KLHL7: variants seen among roughly 807,000 people sequenced by gnomAD.
KLHL7 encodes kelch like family member 7.
KLHL7 carries 44 observed loss-of-function variants against 67.4 expected under a neutral mutation model. The observed-to-expected ratio is 0.65, with a 90% CI of 0.51 to 0.84. The LOEUF (loss-of-function observed/expected upper bound fraction) is 0.84. Ranked by LOEUF, KLHL7 falls within the 40% of genes least tolerant of loss-of-function variation. The pLI is 0.00. For missense variants in KLHL7, 362 were observed against 718.1 expected (o/e 0.50, Z 5.67); for synonymous variants, 252 against 243.3 (o/e 1.04, Z -0.33).
intron 1 of KLHL7, among the ~76,000 whole-genome samples, chr7:23,121,496 C>T (rs564753012): frequency 5.7e-4 from 85 of 150,384 alleles, no homozygotes; most frequent in African/African-American, 2.1e-3. Flanking sequence ...GACAGAGTTT[C>T]ATCATGTTGC....
At chr7:23,151,167 T>TGTTTG (rs1784523536) in intron 6 of KLHL7, among the ~76,000 whole-genome samples, 2 of 105,640 alleles carry the variant, frequency 1.9e-5, no homozygotes, top group Admixed American at 8.6e-5. Context: ...GTTTTTTTTT[T>TGTTTG]TTTCTTTTCT....
At chr7:23,117,181 G>A (rs899775754) in intron 1 of KLHL7, among the ~76,000 whole-genome samples, 3 of 140,554 alleles carry the variant, frequency 2.1e-5, no homozygotes, top group Middle Eastern at 4.0e-3. Flanking sequence ...TCTGCCTCCC[G>A]GGTTCAAGTG....
intron 4 of KLHL7, among the ~76,000 whole-genome samples, chr7:23,130,022 G>A (rs975807777): frequency 2.0e-5 from 3 of 152,306 alleles, no homozygotes; most frequent in Non-Finnish European, 2.9e-5. Context: ...TACTAATGAT[G>A]TGCCAGATGA....
chr7:23,140,321 A>G (rs929282841), intron 4 of KLHL7, among the ~76,000 whole-genome samples: 15 of 152,292 alleles, frequency 9.8e-5, no homozygotes, highest in Non-Finnish European at 1.9e-4. Context: ...TTGGGAGGCC[A>G]GGGTGGGCGG....
chr7:23,138,777 A>T (rs1562570032), intron 4 of KLHL7, among the ~76,000 whole-genome samples: 1 of 151,996 alleles, frequency 6.6e-6, no homozygotes, highest in African/African-American at 2.4e-5. Flanking sequence ...ACCTCAAGTG[A>T]TCCCCACCTA....
chr7:23,174,639 A>G lies in KLHL7; in HGVS notation c.*341A>G. 1 of 472,310 alleles carries G rather than the reference A, an allele frequency of 2.1e-6. No homozygotes were observed. The highest frequency in any genetic ancestry group is 6.6e-4 in the Middle Eastern group (1 of 1,524). The allele number at this position is 472,310 out of a possible 1,614,324, so 29.3% of individuals were successfully genotyped here. A position where few individuals can be genotyped will look rare whatever the true frequency, so the allele number is the denominator to read the frequency against. Reference sequence around the variant, plus strand: ...CAGTGAAGCGCAGTATCTTAGCTCTAGATTCTATTTTCATGCATCACAGAA... The same window carrying G: ...CAGTGAAGCGCAGTATCTTAGCTCTGGATTCTATTTTCATGCATCACAGAA... On this transcript the variant is annotated 3_prime_UTR_variant, in exon 11 of 11. Coordinates refer to ENST00000339077, the MANE Select transcript of KLHL7 (RefSeq NM_001031710.3).
In KLHL7 at chr7:23,165,746, G is replaced by A; in HGVS notation, c.985G>A (p.Ala329Thr). 6.2e-7 allele frequency: 1 copy of A among 1,614,146 alleles called. No individual in the cohort carries two copies. ...IRCPFEKRRD[A>T]ACVFWDNVVY... ...CTGCCCCTTTGAAAAACGAAGAGATGCAGCATGCGTGTTTTGGGACAATGT... is the reference window on the plus strand; with the variant it reads ...CTGCCCCTTTGAAAAACGAAGAGATACAGCATGCGTGTTTTGGGACAATGT... The change falls in exon 8 of 11, where the codon GCA becomes ACA. Residue 329 changes from alanine to threonine, a missense_variant. Physicochemically the swap from Ala to Thr is moderately conservative, Grantham distance 58 (BLOSUM62 0). Transcript: ENST00000339077.
Position 23,121,151 on chromosome 7 carries a change from C to T in KLHL7, c.121-2626C>T, listed in dbSNP as rs533513520. ...TGTCTTCCAGTTCCATCCACATTGC[C>T]GTGAAAGACAAGATTTCATTCTTTG... On this transcript the variant is annotated intron_variant, in intron 1 of 10. Transcript: ENST00000339077. 3.1e-4 allele frequency among the ~76,000 whole-genome samples: 47 copies of T among 152,232 alleles called. No individual in the cohort carries two copies. The East Asian group carries it at 6.6e-3, about 21-fold the overall frequency.
At position 23,125,167 on chromosome 7, in the gene KLHL7, G is replaced by T. The variant is rs1393224299; in HGVS notation, c.437G>T (p.Cys146Phe). The T allele has an allele frequency of 6.2e-7, 1 of 1,613,140 alleles. No homozygotes were observed. Residue 146 changes from cysteine to phenylalanine, a missense_variant, in exon 4 of 11, where the codon TGT (cysteine) becomes TTT (phenylalanine). Around this residue, in one of 5 missense-constraint regions of KLHL7, gnomAD observed 155 missense variants for 280.8 expected, o/e 0.55. Coordinates refer to ENST00000339077, the MANE Select transcript of KLHL7 (RefSeq NM_001031710.3). ...AAAGAACAAGTTGATGCTTCAAATT[G>T]TCTTGGTAAGAAATATCAGATTCCT... ...FLKEQVDASN[C>F]LGISVLAECL...
intron 7 of KLHL7, 117 bp from the exon 8 acceptor site, chr7:23,165,581 T>G (rs1004555735): frequency 8.6e-7 from 1 of 1,162,364 alleles, no homozygotes; most frequent in Admixed American, 2.0e-5. Context: ...CAAACATTTG[T>G]ATGTGTAGTC....
At chr7:23,127,238 C>G (rs1783608365) in intron 4 of KLHL7, among the ~76,000 whole-genome samples, 1 of 152,152 alleles carries the variant, frequency 6.6e-6, no homozygotes, top group Non-Finnish European at 1.5e-5. Context: ...TGGTGCAAAG[C>G]ATAGTGTGGA....
chr7:23,140,520 G>A (rs1784141182), intron 4 of KLHL7: 3 of 467,562 alleles, frequency 6.4e-6, no homozygotes, highest in South Asian at 5.9e-5. Context: ...TCGCGCCACT[G>A]CACTCCAGCC....
intron 1 of KLHL7, among the ~76,000 whole-genome samples, chr7:23,113,650 G>A (rs757491248): frequency 6.6e-6 from 1 of 152,146 alleles, no homozygotes; most frequent in Non-Finnish European, 1.5e-5. Context: ...GGCCAACATG[G>A]TGAAACCCCG....
chr7:23,133,364 G>A (rs1783867130), intron 4 of KLHL7, among the ~76,000 whole-genome samples: 1 of 151,926 alleles, frequency 6.6e-6, no homozygotes. Context: ...CACTTCTCTG[G>A]TTAATTCCTA....
At chr7:23,108,146 G>A (rs1782721260) in intron 1 of KLHL7, among the ~76,000 whole-genome samples, 1 of 152,174 alleles carries the variant, frequency 6.6e-6, no homozygotes, top group East Asian at 1.9e-4. Context: ...GTGCCTAGAT[G>A]ACAAGGACCC....
In KLHL7 at chr7:23,127,204, A is replaced by AAT. The variant is rs1256817017; in HGVS notation, c.442+2036_442+2037dup. ...TTCAACTACAAAGAAGAATGGCTGA[A>AAT]ATATAGGTAGGTAGTAGATGTGGTG... On this transcript the variant is annotated intron_variant, in intron 4 of 10. Coordinates refer to ENST00000339077, the MANE Select transcript of KLHL7 (RefSeq NM_001031710.3). Among the ~76,000 whole-genome samples the AAT allele has an allele frequency of 2.0e-5, 3 of 152,190 alleles. No homozygotes were observed. In the East Asian group the frequency reaches 5.8e-4, roughly 29 times the overall value.
chr7:23,172,137 G>A (rs768281611), intron 9 of KLHL7: 2 of 456,404 alleles, frequency 4.4e-6, no homozygotes, highest in South Asian at 3.1e-5. Context: ...GCTGCTGAAA[G>A]CACAAGCCTG....
At chr7:23,128,057 A>C (rs1783645315) in intron 4 of KLHL7, among the ~76,000 whole-genome samples, 1 of 150,824 alleles carries the variant, frequency 6.6e-6, no homozygotes, top group South Asian at 2.1e-4. Context: ...TTGAACCGGG[A>C]GGCGGAGGTT....
At position 23,125,945 on chromosome 7, in the gene KLHL7, A is replaced by G. The variant is rs770467598; in HGVS notation, c.442+773A>G. 1.7e-5 allele frequency: 20 copies of G among 1,157,582 alleles called. No homozygotes were observed. In the South Asian group the frequency reaches 2.5e-4, roughly 14 times the overall value. The allele number at this position is 1,157,582 out of a possible 1,614,324, so 71.7% of individuals were successfully genotyped here. ...GCAGATAGTACTGAATCCTATATAT[A>G]CTGTGTTTTTTATGATACATACATG... On this transcript the variant is annotated intron_variant, in intron 4 of 10. Transcript: ENST00000339077.
Sources: gnomAD v4.1 joint callset for allele counts (sites outside exome capture counted in the v4.1 genomes callset) on GRCh38, gnomAD v4.1.1 for gene constraint, gnomAD v4.1.1 regional missense constraint, MANE v1.5 for transcripts, NCBI Gene and HGNC (gene_info 2026-07-23, HGNC 2026-07-21) for gene names.